The following ERBB4 variants were observed in gnomAD, a reference collection of about 807,000 sequenced individuals.
The protein encoded by ERBB4 is receptor tyrosine-protein kinase erbB-4.
ERBB4 carries 42 observed loss-of-function variants against 158.0 expected under a neutral mutation model. The observed-to-expected ratio is 0.27, with a 90% CI of 0.21 to 0.34. ERBB4 has a LOEUF of 0.34. Among genes scored for constraint, ERBB4 ranks in the 10% least tolerant of loss-of-function variants. ERBB4 has a pLI of 1.00. For missense variants in ERBB4, 1,333 were observed against 1,624.1 expected, an observed-to-expected ratio of 0.82 and a Z score of 3.08; for synonymous variants, 583 against 558.7, an observed-to-expected ratio of 1.04 and a Z score of -0.61.
chr2:211,824,880 T>A (rs1032489143), intron 3 of ERBB4, among the ~76,000 whole-genome samples: 1 of 151,998 alleles, frequency 6.6e-6, no homozygotes, highest in Non-Finnish European at 1.5e-5. Flanking sequence ...ATTACCGGAC[T>A]GTAATGAAGA....
chr2:212,479,486 A>C (rs1360433964), intron 1 of ERBB4, among the ~76,000 whole-genome samples: 1 of 152,174 alleles, frequency 6.6e-6, no homozygotes, highest in East Asian at 1.9e-4. Flanking sequence ...AAGAGCACCC[A>C]ATATTGAGTA....
chr2:212,407,409 C>G (rs907252439), intron 1 of ERBB4, among the ~76,000 whole-genome samples: 1 of 151,884 alleles, frequency 6.6e-6, no homozygotes, highest in African/African-American at 2.4e-5. Context: ...AACATTATTC[C>G]TATTTTACAG....
intron 20 of ERBB4, among the ~76,000 whole-genome samples, chr2:211,517,393 T>C (rs1159106150): frequency 6.6e-6 from 1 of 152,168 alleles, no homozygotes; most frequent in Admixed American, 6.5e-5. Flanking sequence ...GAATCAATTA[T>C]GTCATTTGGC....
intron 3 of ERBB4, among the ~76,000 whole-genome samples, chr2:211,878,782 C>T (rs546576518): frequency 6.7e-5 from 10 of 150,288 alleles, no homozygotes; most frequent in East Asian, 1.9e-4. Context: ...CTCAGCCTCC[C>T]GAGTAGCTGG....
chr2:212,389,747 T>C (rs907608660), intron 1 of ERBB4, among the ~76,000 whole-genome samples: 3 of 152,042 alleles, frequency 2.0e-5, no homozygotes, highest in Non-Finnish European at 2.9e-5. Flanking sequence ...CTTGGCATTA[T>C]ATTAAAATTT....
At chr2:212,314,195 AT>A (rs1204032542) in intron 1 of ERBB4, among the ~76,000 whole-genome samples, 9 of 151,226 alleles carry the variant, frequency 6.0e-5, no homozygotes, top group Non-Finnish European at 1.0e-4. Context: ...TGCCAAAAAT[AT>A]TTTTAAAAGC....
chr2:211,528,837 C>T (rs1413959752), intron 20 of ERBB4, among the ~76,000 whole-genome samples: 3 of 151,380 alleles, frequency 2.0e-5, no homozygotes, highest in African/African-American at 4.8e-5. Context: ...ATACCAAAAC[C>T]TATGGAATGC....
intron 2 of ERBB4, among the ~76,000 whole-genome samples, chr2:211,997,997 G>T (rs552366422): frequency 6.6e-6 from 1 of 151,492 alleles, no homozygotes; most frequent in Admixed American, 6.6e-5. Flanking sequence ...TTACAGATAA[G>T]GTTTCTATTA....
chr2:211,424,367 A>T, intron 22 of ERBB4, 66 bp from the exon 23 acceptor site: 1 of 1,138,378 alleles, frequency 8.8e-7, no homozygotes, highest in Non-Finnish European at 1.3e-6. Flanking sequence ...CCAGCACTAT[A>T]CCAGTAGTAA....
At chr2:211,740,741 G>A (rs943558839) in intron 5 of ERBB4, among the ~76,000 whole-genome samples, 3 of 147,770 alleles carry the variant, frequency 2.0e-5, no homozygotes, top group Admixed American at 6.8e-5. Flanking sequence ...TTCCCGAGTA[G>A]CTGGGACTAT....
At chr2:212,208,798 G>A (rs1348677833) in intron 1 of ERBB4, among the ~76,000 whole-genome samples, 1 of 152,086 alleles carries the variant, frequency 6.6e-6, no homozygotes, top group Non-Finnish European at 1.5e-5. Context: ...ATCATCCAAG[G>A]CAAAGAACGT....
At chr2:211,499,356 C>G (rs377671831) in intron 20 of ERBB4, among the ~76,000 whole-genome samples, 155 of 152,060 alleles carry the variant, frequency 1.0e-3, no homozygotes, top group African/African-American at 3.6e-3. Flanking sequence ...AACCCCATCT[C>G]TACTAAAATA....
intron 2 of ERBB4, among the ~76,000 whole-genome samples, chr2:212,061,984 C>T (rs1225167675): frequency 6.6e-6 from 1 of 152,032 alleles, no homozygotes; most frequent in East Asian, 1.9e-4. Flanking sequence ...ATCCACCTGC[C>T]TCGGCCTCCC....
chr2:211,857,779 TACG>T (rs1202159570), intron 3 of ERBB4, among the ~76,000 whole-genome samples: 3 of 152,230 alleles, frequency 2.0e-5, no homozygotes, highest in African/African-American at 4.8e-5. Flanking sequence ...TTTTACACAT[TACG>T]ACAAGTAGCT....
chr2:212,443,270 T>C (rs964177268), intron 1 of ERBB4, among the ~76,000 whole-genome samples: 1 of 152,208 alleles, frequency 6.6e-6, no homozygotes, highest in Admixed American at 6.5e-5. Flanking sequence ...TATTGGTCCA[T>C]TACATTCATG....
chr2:212,222,110 A>G (rs2083308694), intron 1 of ERBB4, among the ~76,000 whole-genome samples: 1 of 151,548 alleles, frequency 6.6e-6, no homozygotes, highest in Non-Finnish European at 1.5e-5. Context: ...TAAGTATATA[A>G]GTGGATTATT....
chr2:211,973,565 A>G (rs2081518936), intron 2 of ERBB4, among the ~76,000 whole-genome samples: 2 of 152,214 alleles, frequency 1.3e-5, no homozygotes, highest in South Asian at 2.1e-4. Flanking sequence ...GCTATTATTA[A>G]AAAGTCAAAA....
chr2:211,795,005 CTT>C (rs570100303), intron 3 of ERBB4, among the ~76,000 whole-genome samples: 1 of 151,832 alleles, frequency 6.6e-6, no homozygotes, highest in Non-Finnish European at 1.5e-5. Context: ...CATAGTGTCT[CTT>C]TTTATATCCA....
chr2:212,209,161 T>A (rs148728088), intron 1 of ERBB4, among the ~76,000 whole-genome samples: 7 of 152,302 alleles, frequency 4.6e-5, no homozygotes, highest in African/African-American at 1.4e-4. Flanking sequence ...AAAATTAATG[T>A]CAGACACTTG....
Sources: gnomAD v4.1 joint callset for allele counts (sites outside exome capture counted in the v4.1 genomes callset) on GRCh38, gnomAD v4.1.1 for gene constraint, MANE v1.5 for transcripts, NCBI Gene and HGNC (gene_info 2026-07-23, HGNC 2026-07-21) for gene names.